The following MBD2 variants were observed in gnomAD, a reference collection of about 807,000 sequenced individuals.
The protein encoded by MBD2 is methyl-CpG binding domain protein 2, also known as methyl-CpG-binding domain protein 2.
In MBD2, 9 loss-of-function variants were observed where a neutral mutation model predicts 39.3. The ratio of observed to expected loss-of-function variants is 0.23; its 90% confidence interval spans 0.14 to 0.40. The LOEUF (loss-of-function observed/expected upper bound fraction) is 0.40. Ranked by LOEUF, MBD2 falls within the 10% of genes least tolerant of loss-of-function variation. The pLI is 1.00. For synonymous variants in MBD2, 233 were observed against 211.1 expected, an observed-to-expected ratio of 1.10 and a Z score of -0.90; for missense variants, 458 against 532.6, an observed-to-expected ratio of 0.86 and a Z score of 1.38.
intron 2 of MBD2, chr18:54,202,683 T>C: frequency 3.7e-6 from 4 of 1,091,150 alleles, no homozygotes; most frequent in South Asian, 4.0e-5. Context: ...TCCAAAATAA[T>C]GTACGGTATA....
intron 1 of MBD2, among the ~76,000 whole-genome samples, chr18:54,215,928 A>C (rs2086556253): frequency 1.3e-5 from 2 of 151,720 alleles, no homozygotes; most frequent in South Asian, 4.1e-4. Flanking sequence ...CAGCCTCCTG[A>C]ATACCTGGGA....
intron 1 of MBD2, among the ~76,000 whole-genome samples, chr18:54,206,672 C>A (rs1486306752): frequency 6.6e-6 from 1 of 152,154 alleles, no homozygotes; most frequent in African/African-American, 2.4e-5. Flanking sequence ...TATCAACATT[C>A]TTTTTCCACA....
At chr18:54,204,497 A>G (rs1254303294) in intron 2 of MBD2, among the ~76,000 whole-genome samples, 1 of 152,260 alleles carries the variant, frequency 6.6e-6, no homozygotes, top group Non-Finnish European at 1.5e-5. Flanking sequence ...TCAACCAAAC[A>G]GCTCGATAAA....
At chr18:54,215,449 T>C (rs565542388) in intron 1 of MBD2, among the ~76,000 whole-genome samples, 3 of 151,788 alleles carry the variant, frequency 2.0e-5, no homozygotes, top group Non-Finnish European at 2.9e-5. Flanking sequence ...GATAGAAACA[T>C]AGCCTCCCAA....
At chr18:54,194,249 C>G (rs2086346399) in intron 2 of MBD2, among the ~76,000 whole-genome samples, 1 of 152,066 alleles carries the variant, frequency 6.6e-6, no homozygotes, top group African/African-American at 2.4e-5. Context: ...ACTGTTAAAT[C>G]TAACAGAATC....
At chr18:54,196,798 C>G (rs538572224) in intron 2 of MBD2, among the ~76,000 whole-genome samples, 1 of 152,302 alleles carries the variant, frequency 6.6e-6, no homozygotes, top group African/African-American at 2.4e-5. Flanking sequence ...ATTTGAAGCA[C>G]TAGTTTATAA....
chr18:54,196,019 C>A (rs16957939), intron 2 of MBD2, among the ~76,000 whole-genome samples: 32,760 of 152,068 alleles, frequency 0.22, 4,148 homozygotes, highest in East Asian at 0.4. Context: ...CAAATGCCAA[C>A]AATGGAAAGT....
chr18:54,201,212 C>T (rs1052854993), intron 2 of MBD2, among the ~76,000 whole-genome samples: 2 of 152,196 alleles, frequency 1.3e-5, no homozygotes, highest in Admixed American at 1.3e-4. Flanking sequence ...AACTTTTTCC[C>T]TTTAAGGTCT....
intron 1 of MBD2, 138 bp from the exon 2 acceptor site, chr18:54,205,295 G>C: frequency 1.3e-6 from 1 of 799,980 alleles, no homozygotes; most frequent in South Asian, 2.0e-5. Flanking sequence ...AGTTTTGCTA[G>C]GCGCGATGGC....
intron 2 of MBD2, chr18:54,203,006 G>A (rs781761744): frequency 7.4e-6 from 8 of 1,086,552 alleles, no homozygotes; most frequent in Non-Finnish European, 5.7e-6. Context: ...TGAAGGGGAA[G>A]GGGGTAAGCA....
At chr18:54,164,804 A>T (rs1437029176) in intron 4 of MBD2, 104 bp from the exon 5 acceptor site, 1 of 890,592 alleles carries the variant, frequency 1.1e-6, no homozygotes, top group African/African-American at 1.7e-5. Context: ...TTGGGATCAT[A>T]TATGTAAAAC....
At chr18:54,182,932 C>CA (rs113293437) in intron 3 of MBD2, among the ~76,000 whole-genome samples, 1,652 of 133,096 alleles carry the variant, frequency 0.012, 11 homozygotes, top group Middle Eastern at 0.034. Flanking sequence ...TCCCTGTCTC[C>CA]AAAAAAAAAA....
At chr18:54,197,916 G>A (rs769379422) in intron 2 of MBD2, among the ~76,000 whole-genome samples, 2 of 152,114 alleles carry the variant, frequency 1.3e-5, no homozygotes, top group African/African-American at 2.4e-5. Flanking sequence ...CGACCTATTC[G>A]TTCCCCTTCC....
Position 54,166,055 on chromosome 18 carries a change from TC to T in MBD2, c.931+20del. ...CAGTAGGTACTTGATAAATGTCTGC[TC>T]AACTGAACTTAGATAATACCTTGAA... On this transcript the variant is annotated intron_variant, in intron 4 of 6. Coordinates refer to ENST00000256429, the MANE Select transcript of MBD2 (RefSeq NM_003927.5). 6.5e-7 allele frequency: 1 copy of T among 1,527,440 alleles called. No individual in the cohort carries two copies. Among genetic ancestry groups the T allele is most frequent in the Non-Finnish European group, 9.1e-7 (1 of 1,102,504 alleles). The allele number at this position is 1,527,440 out of a possible 1,614,324, so 94.6% of individuals were successfully genotyped here.
chr18:54,192,101 G>A (rs1333023082), intron 2 of MBD2, among the ~76,000 whole-genome samples: 1 of 152,184 alleles, frequency 6.6e-6, no homozygotes, highest in African/African-American at 2.4e-5. Context: ...CCTAAGTGAA[G>A]TCACCCAACC....
chr18:54,188,538 C>A (rs951325348), intron 3 of MBD2, among the ~76,000 whole-genome samples: 1 of 152,146 alleles, frequency 6.6e-6, no homozygotes, highest in Non-Finnish European at 1.5e-5. Context: ...GCAACACAAA[C>A]TACATGCTTC....
At chr18:54,211,388 T>TACACACACACACACAC (rs113321648) in intron 1 of MBD2, among the ~76,000 whole-genome samples, 20 of 148,218 alleles carry the variant, frequency 1.3e-4, no homozygotes, top group South Asian at 6.5e-4. Flanking sequence ...ATTATTGCTA[T>TACACACACACACACAC]ACACACACAC....
In MBD2 at chr18:54,159,770, C is replaced by T; in HGVS notation, c.*7G>A. 2 of 1,608,278 alleles carry T rather than the reference C, an allele frequency of 1.2e-6. No homozygotes were observed. Among genetic ancestry groups the T allele is most frequent in the Non-Finnish European group, 1.7e-6 (2 of 1,179,904 alleles). On this transcript the variant is annotated 3_prime_UTR_variant, in exon 6 of 7. Transcript: ENST00000256429. ...TCTCTCTGGTGTCAGTTTACCTGAT[C>T]ATATTCTTAGGCTTCATCTCCACTG...
In MBD2 at chr18:54,154,101, C is replaced by G. The variant is rs780425117; in HGVS notation, c.*1223G>C. The G allele has an allele frequency of 4.6e-5, 7 of 152,142 alleles. No individual in the cohort carries two copies. Among genetic ancestry groups the G allele is most frequent in the Non-Finnish European group, 7.4e-5 (5 of 68,020 alleles). The allele number at this position is 152,142 out of a possible 1,614,324, so 9.4% of individuals were successfully genotyped here. A position where few individuals can be genotyped will look rare whatever the true frequency, so the allele number is the denominator to read the frequency against. ...ACTCAAGAGTTAAGAAATAAACACA[C>G]CTTTTCTATAGAATGATTTTACTTT... On this transcript the variant is annotated 3_prime_UTR_variant, in exon 7 of 7. Coordinates refer to ENST00000256429, the MANE Select transcript of MBD2 (RefSeq NM_003927.5).
Sources: allele counts gnomAD v4.1 joint callset (sites outside exome capture counted in the v4.1 genomes callset), GRCh38; gene constraint gnomAD v4.1.1; transcripts MANE v1.5; gene names NCBI Gene and HGNC (gene_info 2026-07-23, HGNC 2026-07-21).